Variants in RHOJ observed in about 807,000 individuals in gnomAD.
RHOJ encodes rho-related GTP-binding protein RhoJ.
RHOJ carries 11 observed loss-of-function variants against 23.4 expected under a neutral mutation model. The ratio of observed to expected loss-of-function variants is 0.47; its 90% confidence interval spans 0.30 to 0.78. The LOEUF (loss-of-function observed/expected upper bound fraction) is 0.78, where lower values mean the gene tolerates loss of function less well. Among genes scored for constraint, RHOJ ranks in the 30% least tolerant of loss-of-function variants. RHOJ has a pLI of 0.08. For synonymous variants in RHOJ, 102 were observed against 102.7 expected (o/e 0.99, Z 0.04); for missense variants, 254 against 273.4 (o/e 0.93, Z 0.50).
intron 4 of RHOJ, among the ~76,000 whole-genome samples, chr14:63,289,942 G>A (rs912095950): frequency 3.3e-5 from 5 of 151,440 alleles, no homozygotes; most frequent in African/African-American, 7.3e-5. Flanking sequence ...TAAAAAATAT[G>A]CCTTTTAAAG....
At chr14:63,280,342 A>G (rs1881858362) in intron 2 of RHOJ, among the ~76,000 whole-genome samples, 1 of 152,162 alleles carries the variant, frequency 6.6e-6, no homozygotes, top group Non-Finnish European at 1.5e-5. Flanking sequence ...TTTTGAATAC[A>G]TAGAAACAGA....
At chr14:63,260,017 T>A (rs746907548) in intron 1 of RHOJ, among the ~76,000 whole-genome samples, 55 of 152,202 alleles carry the variant, frequency 3.6e-4, no homozygotes, top group Non-Finnish European at 6.6e-4. Flanking sequence ...TATATTGTAA[T>A]CATATGGAAA....
At chr14:63,246,537 T>C (rs1487756851) in intron 1 of RHOJ, among the ~76,000 whole-genome samples, 1 of 152,170 alleles carries the variant, frequency 6.6e-6, no homozygotes, top group Non-Finnish European at 1.5e-5. Context: ...TCCTGTACTA[T>C]TAAAGTAAGA....
chr14:63,279,696 A>G (rs889982192), intron 2 of RHOJ, among the ~76,000 whole-genome samples: 1 of 152,216 alleles, frequency 6.6e-6, no homozygotes, highest in Non-Finnish European at 1.5e-5. Flanking sequence ...GAAAATAATT[A>G]AGCCAGCATT....
intron 1 of RHOJ, among the ~76,000 whole-genome samples, chr14:63,226,100 G>T (rs1157305520): frequency 1.3e-5 from 2 of 151,956 alleles, no homozygotes; most frequent in African/African-American, 2.4e-5. Context: ...ATCAATTTTT[G>T]AAAGAAACTA....
At position 63,267,852 on chromosome 14, in the gene RHOJ, T is replaced by G. The variant is rs1895395509; in HGVS notation, c.179-1258T>G. On this transcript the variant is annotated intron_variant, in intron 1 of 4. Coordinates refer to ENST00000316754, the MANE Select transcript of RHOJ (RefSeq NM_020663.5). The stretch of plus-strand genomic sequence containing the variant: ...GCCATGTTATCAAGCTGAACACACG[T>G]TGATCTGAGTAGATTATAAAAATAG... 2.0e-5 allele frequency among the ~76,000 whole-genome samples: 3 copies of G among 152,226 alleles called. No homozygotes were observed. The South Asian group carries it at 6.2e-4, about 32-fold the overall frequency.
intron 4 of RHOJ, among the ~76,000 whole-genome samples, chr14:63,287,781 G>T (rs139367265): frequency 1.2e-3 from 177 of 152,182 alleles, no homozygotes; most frequent in African/African-American, 4.1e-3. Flanking sequence ...ATTCCAGTTT[G>T]CTTGCATGTG....
chr14:63,205,235 T>C (rs1366017553), intron 1 of RHOJ, among the ~76,000 whole-genome samples, 188 bp downstream of exon 1: 2 of 152,322 alleles, frequency 1.3e-5, no homozygotes, highest in African/African-American at 4.8e-5. Flanking sequence ...TCAATGTGTA[T>C]GGTAACACTT....
intron 1 of RHOJ, among the ~76,000 whole-genome samples, chr14:63,255,180 C>T (rs1895141620): frequency 6.6e-6 from 1 of 152,148 alleles, no homozygotes; most frequent in South Asian, 2.1e-4. Flanking sequence ...TAACCATCAG[C>T]CCTCTTGGGA....
At chr14:63,210,805 GT>G (rs1894219351) in intron 1 of RHOJ, among the ~76,000 whole-genome samples, 2 of 152,206 alleles carry the variant, frequency 1.3e-5, no homozygotes, top group African/African-American at 4.8e-5. Flanking sequence ...GGGTACATAG[GT>G]GTGTAAAATA....
chr14:63,220,061 A>G (rs1469612971), intron 1 of RHOJ, among the ~76,000 whole-genome samples: 1 of 152,240 alleles, frequency 6.6e-6, no homozygotes, highest in Non-Finnish European at 1.5e-5. Flanking sequence ...TATGAAAATT[A>G]TGCTGCGATG....
chr14:63,257,236 CAAAAAAAAA>C lies in RHOJ; in HGVS notation c.179-11860_179-11852del, dbSNP rs11463617. Among the ~76,000 whole-genome samples, 85 of 49,096 alleles carry C rather than the reference CAAAAAAAAA, an allele frequency of 1.7e-3. 3 individuals are homozygous for C. The highest frequency in any genetic ancestry group is 2.5e-3 in the Non-Finnish European group (61 of 24,786). 32.2% of individuals were successfully genotyped at this position (49,096 alleles called of 152,430 possible). A position where few individuals can be genotyped will look rare whatever the true frequency, so the allele number is the denominator to read the frequency against. ...CTGGGTGACACAGTGAGACTGTCTC[CAAAAAAAAA>C]AAAAAAAAAAAAAGAGTCTCTTTAC... On this transcript the variant is annotated intron_variant, in intron 1 of 4. Coordinates refer to ENST00000316754, the MANE Select transcript of RHOJ (RefSeq NM_020663.5).
intron 1 of RHOJ, among the ~76,000 whole-genome samples, chr14:63,237,949 C>T (rs28563797): frequency 0.012 from 1,869 of 152,234 alleles, 21 homozygotes; most frequent in African/African-American, 0.038. Context: ...GTTCTCCCAC[C>T]CTGCTCTGTC....
chr14:63,230,568 C>T (rs550100986), intron 1 of RHOJ, among the ~76,000 whole-genome samples: 1 of 152,150 alleles, frequency 6.6e-6, no homozygotes, highest in South Asian at 2.1e-4. Flanking sequence ...GAACCCTGCT[C>T]AAATGTCACG....
intron 1 of RHOJ, among the ~76,000 whole-genome samples, chr14:63,211,565 G>C (rs1311315641): frequency 6.6e-6 from 1 of 152,164 alleles, no homozygotes; most frequent in Admixed American, 6.5e-5. Flanking sequence ...TTAAATCTGG[G>C]TAAATGGTAT....
intron 1 of RHOJ, among the ~76,000 whole-genome samples, chr14:63,268,117 T>C (rs1895400566): frequency 6.6e-6 from 1 of 152,196 alleles, no homozygotes; most frequent in South Asian, 2.1e-4. Flanking sequence ...ATAGGAGGAA[T>C]CAAAAATCAT....
chr14:63,215,243 A>T (rs72712551), intron 1 of RHOJ, among the ~76,000 whole-genome samples: 5,388 of 152,094 alleles, frequency 0.035, 123 homozygotes, highest in East Asian at 0.12. Flanking sequence ...AAGATGCATA[A>T]ATCTGGGGAG....
At chr14:63,290,704 T>G (rs1049209646) in intron 4 of RHOJ, among the ~76,000 whole-genome samples, 174 bp from the exon 5 acceptor site, 1 of 132,214 alleles carries the variant, frequency 7.6e-6, no homozygotes. Context: ...AAAAATAGGA[T>G]AGCAGATACA....
At chr14:63,235,726 A>G (rs1894777508) in intron 1 of RHOJ, among the ~76,000 whole-genome samples, 1 of 152,222 alleles carries the variant, frequency 6.6e-6, no homozygotes, top group Admixed American at 6.5e-5. Context: ...TTCTGCTGCA[A>G]CACACACTAT....
Sources: gnomAD v4.1 joint callset for allele counts (sites outside exome capture counted in the v4.1 genomes callset) on GRCh38, gnomAD v4.1.1 for gene constraint, MANE v1.5 for transcripts, NCBI Gene and HGNC (gene_info 2026-07-23, HGNC 2026-07-21) for gene names.